RGMA: variants seen among roughly 807,000 people sequenced by gnomAD.
RGMA encodes repulsive guidance molecule BMP co-receptor a, also known as repulsive guidance molecule A.
RGMA carries 10 observed loss-of-function variants against 23.2 expected under a neutral mutation model. The ratio of observed to expected loss-of-function variants is 0.43; its 90% CI spans 0.27 to 0.73. The LOEUF is 0.73. Among genes scored for constraint, RGMA ranks in the 30% least tolerant of loss-of-function variants. RGMA has a pLI of 0.20. For synonymous variants in RGMA, 308 were observed against 279.3 expected (o/e 1.10, Z -1.03); for missense variants, 547 against 630.5 (o/e 0.87, Z 1.42).
At chr15:93,050,034 C>T (rs146755366) in intron 3 of RGMA, among the ~76,000 whole-genome samples, 99 of 152,340 alleles carry the variant, frequency 6.5e-4, no homozygotes, top group Non-Finnish European at 1.1e-3. Flanking sequence ...TTCCTCCATC[C>T]GGAAACTTGC....
At position 93,040,546 on chromosome 15, in the gene RGMA, A is replaced by T. The variant is rs781584382; in HGVS notation, c.*4452T>A. 9.2e-5 allele frequency: 14 copies of T among 151,556 alleles called. No homozygotes were observed. Among genetic ancestry groups the T allele is most frequent in the Non-Finnish European group, 2.1e-4 (14 of 67,998 alleles). The allele number at this position is 151,556 out of a possible 1,614,324, so 9.4% of individuals were successfully genotyped here. ...TGAGCTAGTCGGAGGCCTCCCCTTA[A>T]CCCCACCACAGATGAATGCCCCTTC... On this transcript the variant is annotated 3_prime_UTR_variant, in exon 4 of 4. Transcript: ENST00000329082.
At chr15:93,055,367 G>A (rs1264852639) in intron 2 of RGMA, among the ~76,000 whole-genome samples, 1 of 152,178 alleles carries the variant, frequency 6.6e-6, no homozygotes, top group Admixed American at 6.5e-5. Flanking sequence ...GGACCGTGAA[G>A]TCCCAGCTGG....
chr15:93,049,263 G>T (rs1251889635), intron 3 of RGMA, among the ~76,000 whole-genome samples: 1 of 152,240 alleles, frequency 6.6e-6, no homozygotes, highest in Non-Finnish European at 1.5e-5. Flanking sequence ...GGTGCTGGGG[G>T]CTCGGGGTAC....
intron 2 of RGMA, among the ~76,000 whole-genome samples, chr15:93,068,389 C>T (rs1386110234): frequency 1.3e-5 from 2 of 152,178 alleles, no homozygotes; most frequent in Non-Finnish European, 2.9e-5. Context: ...AAACTGGTCC[C>T]CACCTTCAGC....
rs143356501 is a variant in RGMA at position 93,079,920 on chromosome 15, A to G, written c.15-6889T>C. 9.6e-4 allele frequency among the ~76,000 whole-genome samples: 146 copies of G among 152,278 alleles called. 4 individuals carry two copies. The Middle Eastern group carries it at 0.037, about 39-fold the overall frequency. On this transcript the variant is annotated intron_variant, in intron 1 of 3. Transcript: ENST00000329082. ...AGGTGCCACATGAAAGGACAGTTGT[A>G]CATTTTGGCTACGAGGATGTTGCTG...
intron 3 of RGMA, among the ~76,000 whole-genome samples, chr15:93,049,630 G>A (rs1007677963): frequency 6.6e-6 from 1 of 152,230 alleles, no homozygotes; most frequent in Non-Finnish European, 1.5e-5. Flanking sequence ...AACAAATAAA[G>A]GCCCCTAGTG....
At chr15:93,088,016 T>G (rs1243984563) in intron 1 of RGMA, among the ~76,000 whole-genome samples, 1 of 152,100 alleles carries the variant, frequency 6.6e-6, no homozygotes, top group East Asian at 1.9e-4. Flanking sequence ...AGCTCACCAC[T>G]TCCGCTAGAT....
At position 93,072,267 on chromosome 15, in the gene RGMA, G is replaced by C. The variant is rs1041669555; in HGVS notation, c.130+649C>G. Among the ~76,000 whole-genome samples, 86 of 152,208 alleles carry C rather than the reference G, an allele frequency of 5.7e-4. 1 individual carries two copies. Among genetic ancestry groups the C allele is most frequent in the Non-Finnish European group, 3.1e-4 (21 of 68,036 alleles). On this transcript the variant is annotated intron_variant, in intron 2 of 3. Transcript: ENST00000329082. ...CCAAAAACATTGTGAAAAACTATGGGGGATTCATTGGAAACAGATGGGCTT... is the reference window on the plus strand; with the variant it reads ...CCAAAAACATTGTGAAAAACTATGGCGGATTCATTGGAAACAGATGGGCTT...
At chr15:93,065,884 G>A in intron 2 of RGMA, 1 of 728,844 alleles carries the variant, frequency 1.4e-6, no homozygotes, top group Non-Finnish European at 2.5e-6. Context: ...TACCCCGTCA[G>A]TGCTCTCTGT....
rs7496407 is a variant in RGMA, at chr15:93,042,130, T to G, written c.*2868A>C. On this transcript the variant is annotated 3_prime_UTR_variant, in exon 4 of 4. Coordinates refer to ENST00000329082, the MANE Select transcript of RGMA (RefSeq NM_020211.3). ...GTGAGCTGGGATGGTGCCACTGCAC[T>G]CCAGCCTGGCGACAGAGCAAGACGC... 14,329 of 152,316 alleles carry G rather than the reference T, an allele frequency of 0.094. 2,651 individuals are homozygous for G. Among genetic ancestry groups the G allele is most frequent in the East Asian group, 0.75 (3,892 of 5,164 alleles). The allele number at this position is 152,316 out of a possible 1,614,324, so 9.4% of individuals were successfully genotyped here. A position where few individuals can be genotyped will look rare whatever the true frequency, so the allele number is the denominator to read the frequency against.
At chr15:93,060,457 C>T (rs1028227340) in intron 2 of RGMA, among the ~76,000 whole-genome samples, 6 of 152,190 alleles carry the variant, frequency 3.9e-5, no homozygotes, top group Admixed American at 3.3e-4. Flanking sequence ...AAACTTGTCC[C>T]GGAGCCCCAT....
Position 93,089,101 on chromosome 15 carries a change from G to A in RGMA, c.-169C>T, listed in dbSNP as rs1596111436. 5.5e-6 allele frequency: 2 copies of A among 366,114 alleles called. No individual in the cohort carries two copies. The highest frequency in any genetic ancestry group is 9.6e-6 in the Non-Finnish European group (2 of 207,422). 22.7% of individuals were successfully genotyped at this position (366,114 alleles called of 1,614,324 possible). ...CCCGGGGAGCGCCTCCTGCTCCCGG[G>A]CTGCATGCCTGCGAGCGCCTGGCGG... On this transcript the variant is annotated 5_prime_UTR_variant, in exon 1 of 4. Transcript: ENST00000329082.
intron 1 of RGMA, among the ~76,000 whole-genome samples, chr15:93,083,898 T>C (rs1300265049): frequency 6.6e-6 from 1 of 152,166 alleles, no homozygotes; most frequent in Non-Finnish European, 1.5e-5. Context: ...TTGCTTCCCT[T>C]GTATCAATAA....
chr15:93,058,987 G>A (rs2055058819), intron 2 of RGMA, among the ~76,000 whole-genome samples: 1 of 148,776 alleles, frequency 6.7e-6, no homozygotes, highest in African/African-American at 2.5e-5. Context: ...CTGTGCAGGT[G>A]ACACATTGCT....
At chr15:93,081,081 G>C (rs939208274) in intron 1 of RGMA, among the ~76,000 whole-genome samples, 1 of 152,174 alleles carries the variant, frequency 6.6e-6, no homozygotes, top group Non-Finnish European at 1.5e-5. Context: ...TGAATATGGG[G>C]AAAGACAGAG....
chr15:93,065,147 T>C (rs555307432), intron 2 of RGMA, among the ~76,000 whole-genome samples: 150 of 152,266 alleles, frequency 9.9e-4, no homozygotes, highest in African/African-American at 3.5e-3. Flanking sequence ...CCAGCTAATT[T>C]TTTTGTATTT....
At chr15:93,087,481 A>AAAAC (rs1555451780) in intron 1 of RGMA, among the ~76,000 whole-genome samples, 80 of 149,226 alleles carry the variant, frequency 5.4e-4, no homozygotes, top group African/African-American at 2.0e-3. Context: ...AAAAAAAAAA[A>AAAAC]AAACCACAAA....
rs1348386382 is a variant in RGMA at position 93,065,734 on chromosome 15, G to A, written c.130+7182C>T. On this transcript the variant is annotated intron_variant, in intron 2 of 3. Coordinates refer to ENST00000329082, the MANE Select transcript of RGMA (RefSeq NM_020211.3). ...CTGGGGCTCAGGCCGGGGACCATCA[G>A]CGGGACCGTGGCTGGGCTTGGTCTC... 6 of 1,191,980 alleles carry A rather than the reference G, an allele frequency of 5.0e-6. No individual in the cohort carries two copies. In the African/African-American group the frequency reaches 6.1e-5, roughly 12 times the overall value. 73.8% of individuals were successfully genotyped at this position (1,191,980 alleles called of 1,614,324 possible).
intron 1 of RGMA, among the ~76,000 whole-genome samples, chr15:93,087,842 A>T (rs1460999035): frequency 6.6e-6 from 1 of 152,158 alleles, no homozygotes; most frequent in African/African-American, 2.4e-5. Context: ...CCCTGAGCTC[A>T]ATGTGCTGAG....
Sources: allele counts gnomAD v4.1 joint callset (sites outside exome capture counted in the v4.1 genomes callset), GRCh38; gene constraint gnomAD v4.1.1; transcripts MANE v1.5; gene names NCBI Gene and HGNC (gene_info 2026-07-23, HGNC 2026-07-21).